Variants in CCDC63 observed in about 807,000 individuals in gnomAD.
CCDC63 encodes coiled-coil domain containing 63.
A neutral mutation model predicts 63.6 loss-of-function variants in CCDC63; 54 were observed. The ratio of observed to expected loss-of-function variants is 0.85; its 90% CI spans 0.68 to 1.07. The LOEUF is 1.07. Ranked by LOEUF, CCDC63 falls within the 50% of genes least tolerant of loss-of-function variation. The pLI is 0.00. For synonymous variants in CCDC63, 253 were observed against 266.1 expected (o/e 0.95, Z 0.48); for missense variants, 637 against 689.6 (o/e 0.92, Z 0.86).
Position 110,858,686 on chromosome 12 carries a change from A to G in CCDC63, c.280A>G (p.Met94Val). The G allele has an allele frequency of 6.2e-6, 10 of 1,614,016 alleles. No homozygotes were observed. Among genetic ancestry groups the G allele is most frequent in the Non-Finnish European group, 8.5e-6 (10 of 1,179,940 alleles). ...RNMNRSEKNY[M>V]ELRLLLQTKE... ...CATGAATCGGAGTGAGAAGAACTAC[A>G]TGGAGCTGCGACTCCTGCTCCAAAC... Residue 94 changes from methionine (M) to valine (V), a missense_variant, in exon 4 of 12, where the codon ATG (methionine) becomes GTG (valine). Transcript: ENST00000308208.
At chr12:110,854,172 G>A (rs920625248) in intron 3 of CCDC63, among the ~76,000 whole-genome samples, 1 of 150,714 alleles carries the variant, frequency 6.6e-6, no homozygotes, top group African/African-American at 2.4e-5. Context: ...CCCTAACAAC[G>A]TTTCCTAATT....
chr12:110,855,421 T>C (rs980181947), intron 3 of CCDC63, among the ~76,000 whole-genome samples: 3 of 152,162 alleles, frequency 2.0e-5, no homozygotes, highest in African/African-American at 4.8e-5. Context: ...CCTTTTGATA[T>C]GTCTCTGACA....
At chr12:110,863,613 T>C (rs2005675) in intron 4 of CCDC63, among the ~76,000 whole-genome samples, 110,401 of 150,842 alleles carry the variant, frequency 0.73, 40,846 homozygotes, top group African/African-American at 0.84. Flanking sequence ...CAATCTCGGC[T>C]CACTGCAACC....
chr12:110,883,238 A>G (rs566806991), intron 7 of CCDC63, among the ~76,000 whole-genome samples: 1 of 152,216 alleles, frequency 6.6e-6, no homozygotes, highest in South Asian at 2.1e-4. Context: ...GGGTTTCACC[A>G]TGTTGGCCAG....
chr12:110,906,526 A>G (rs1011300), intron 11 of CCDC63, among the ~76,000 whole-genome samples: 29,131 of 151,970 alleles, frequency 0.19, 3,372 homozygotes, highest in Admixed American at 0.28. Flanking sequence ...ATGACCTTGC[A>G]TGACTTTAGT....
chr12:110,866,731 CACGGCA>C (rs1668739026), intron 4 of CCDC63, among the ~76,000 whole-genome samples: 1 of 149,014 alleles, frequency 6.7e-6, no homozygotes, highest in African/African-American at 2.5e-5. Context: ...TCTACACAGA[CACGGCA>C]ACCATCCGAT....
At chr12:110,870,765 T>G (rs1413770114) in intron 4 of CCDC63, among the ~76,000 whole-genome samples, 4 of 152,204 alleles carry the variant, frequency 2.6e-5, no homozygotes, top group Non-Finnish European at 5.9e-5. Flanking sequence ...TGTCAAGGTA[T>G]CCCTCCCTTG....
rs193214027 is a variant in CCDC63, at chr12:110,874,576, A to G, written c.489+615A>G. ...TGCTCCATACATGTCTTTAGGACATATTCTCTGTCCACCTCTCCTCTGAGT... is the reference window on the plus strand; with the variant it reads ...TGCTCCATACATGTCTTTAGGACATGTTCTCTGTCCACCTCTCCTCTGAGT... On this transcript the variant is annotated intron_variant, in intron 5 of 11. Coordinates refer to ENST00000308208, the MANE Select transcript of CCDC63 (RefSeq NM_152591.3). Among the ~76,000 whole-genome samples the G allele has an allele frequency of 3.8e-4, 58 of 152,370 alleles. 1 individual carries two copies. The East Asian group carries it at 0.01, about 27-fold the overall frequency.
rs879823491 is a variant in CCDC63, at chr12:110,859,314, C to CT, written c.369+551dup. Among the ~76,000 whole-genome samples, 786 of 144,850 alleles carry CT rather than the reference C, an allele frequency of 5.4e-3. 8 individuals carry two copies. Among genetic ancestry groups the CT allele is most frequent in the South Asian group, 7.7e-3 (35 of 4,564 alleles). On this transcript the variant is annotated intron_variant, in intron 4 of 11. Coordinates refer to ENST00000308208, the MANE Select transcript of CCDC63 (RefSeq NM_152591.3). ...AGTCTGGAAGTGAAACATGTCACTT[C>CT]TTTTTTTTTTTTGAAAGAGTCTTGC...
intron 8 of CCDC63, among the ~76,000 whole-genome samples, chr12:110,892,776 G>T (rs1380830905): frequency 6.6e-6 from 1 of 151,530 alleles, no homozygotes; most frequent in Non-Finnish European, 1.5e-5. Context: ...CCAAGATTGT[G>T]CCATTGCACT....
intron 4 of CCDC63, among the ~76,000 whole-genome samples, chr12:110,861,387 T>C (rs2070851286): frequency 6.6e-6 from 1 of 152,152 alleles, no homozygotes; most frequent in Non-Finnish European, 1.5e-5. Context: ...TGCCTGCCTC[T>C]CTCACCTCCT....
upstream of CCDC63, chr12:110,845,801 C>T: frequency 6.6e-6 from 1 of 151,040 alleles, no homozygotes; most frequent in East Asian, 1.9e-4. Flanking sequence ...ACTCTGTCAC[C>T]CAGGCTGGAG....
intron 11 of CCDC63, among the ~76,000 whole-genome samples, chr12:110,905,123 G>A (rs555743684): frequency 6.6e-6 from 1 of 152,220 alleles, no homozygotes; most frequent in Non-Finnish European, 1.5e-5. Context: ...CAAGTTATGA[G>A]TAAACAGAGT....
chr12:110,852,713 A>G (rs1334927182), intron 1 of CCDC63, 146 bp from the exon 2 acceptor site: 1 of 612,612 alleles, frequency 1.6e-6, no homozygotes, highest in Admixed American at 2.9e-5. Flanking sequence ...CTTTTGTCAC[A>G]CCCGGGCAGC....
At chr12:110,902,439 T>C (rs10774610) in intron 10 of CCDC63, among the ~76,000 whole-genome samples, 53,411 of 151,956 alleles carry the variant, frequency 0.35, 9,672 homozygotes, top group African/African-American at 0.41. Context: ...GTTCCTACCT[T>C]GGGGCCTTTG....
chr12:110,904,833 C>A (rs756489770), intron 11 of CCDC63, 42 bp downstream of exon 11: 19 of 1,514,334 alleles, frequency 1.3e-5, no homozygotes, highest in Non-Finnish European at 1.7e-5. Context: ...TGCTAGGGAA[C>A]CTGTGCCTTC....
chr12:110,878,214 A>G (rs2071156411), intron 5 of CCDC63, among the ~76,000 whole-genome samples: 1 of 152,216 alleles, frequency 6.6e-6, no homozygotes. Flanking sequence ...ACATACATAT[A>G]TATACCTATA....
intron 4 of CCDC63, among the ~76,000 whole-genome samples, chr12:110,860,661 T>A (rs1329760670): frequency 1.3e-5 from 2 of 152,130 alleles, no homozygotes; most frequent in East Asian, 3.9e-4. Flanking sequence ...ATGATCTTGG[T>A]TCACTGCAGC....
At chr12:110,862,328 G>A (rs577797254) in intron 4 of CCDC63, among the ~76,000 whole-genome samples, 129 of 152,286 alleles carry the variant, frequency 8.5e-4, no homozygotes, top group African/African-American at 3.0e-3. Context: ...GCCCACCCTC[G>A]ATGGGCAAAG....
Sources: gnomAD v4.1 joint callset for allele counts (sites outside exome capture counted in the v4.1 genomes callset) on GRCh38, gnomAD v4.1.1 for gene constraint, MANE v1.5 for transcripts, NCBI Gene and HGNC (gene_info 2026-07-23, HGNC 2026-07-21) for gene names.